Variants in POLN observed in about 807,000 individuals in gnomAD.
The protein encoded by POLN is DNA polymerase nu.
In POLN, 108 loss-of-function variants were observed where a neutral mutation model predicts 113.5. The ratio of observed to expected loss-of-function variants is 0.95; its 90% confidence interval spans 0.81 to 1.12. The LOEUF (loss-of-function observed/expected upper bound fraction) is 1.12, where lower values mean the gene tolerates loss of function less well. Among genes scored for constraint, POLN ranks in the 50% most tolerant of loss-of-function variants. The probability of loss-of-function intolerance (pLI) is 0.00; values close to 1 mark genes in which losing one functional copy is unlikely to be tolerated. For missense variants in POLN, 1,097 were observed against 1,077.1 expected, an observed-to-expected ratio of 1.02 and a Z score of -0.26; for synonymous variants, 386 against 391.5, an observed-to-expected ratio of 0.99 and a Z score of 0.17.
At chr4:2,192,453 C>T (rs999354496) in intron 7 of POLN, among the ~76,000 whole-genome samples, 17 of 151,966 alleles carry the variant, frequency 1.1e-4, no homozygotes, top group Admixed American at 2.6e-4. Context: ...AATTCTCCTG[C>T]CTCAGCCTCT....
intron 3 of POLN, among the ~76,000 whole-genome samples, chr4:2,219,913 C>T (rs981416032): frequency 3.3e-5 from 5 of 152,210 alleles, no homozygotes; most frequent in South Asian, 4.2e-4. Flanking sequence ...GAAGTGATCC[C>T]GCATAAATAA....
At chr4:2,236,216 G>T (rs1194619937) in intron 2 of POLN, 2 of 1,523,284 alleles carry the variant, frequency 1.3e-6, no homozygotes, top group East Asian at 2.3e-5. Context: ...AACTACTATG[G>T]CAAATACCCA....
intron 19 of POLN, among the ~76,000 whole-genome samples, chr4:2,102,026 C>T (rs1480091827): frequency 1.3e-5 from 2 of 152,104 alleles, no homozygotes; most frequent in Non-Finnish European, 2.9e-5. Flanking sequence ...ACAAGTTCCC[C>T]ACTCTCCAGC....
chr4:2,217,896 A>T (rs1000831782), intron 3 of POLN, among the ~76,000 whole-genome samples: 1 of 152,230 alleles, frequency 6.6e-6, no homozygotes, highest in African/African-American at 2.4e-5. Flanking sequence ...CTAAACCCAG[A>T]GATGCCTATC....
At chr4:2,123,828 A>G (rs1412328508) in intron 19 of POLN, among the ~76,000 whole-genome samples, 1 of 151,918 alleles carries the variant, frequency 6.6e-6, no homozygotes, top group Admixed American at 6.6e-5. Flanking sequence ...AACCGAAGCC[A>G]AAACCAAAAC....
chr4:2,088,938 C>T, intron 20 of POLN: 2 of 1,032,450 alleles, frequency 1.9e-6, no homozygotes, highest in Admixed American at 2.3e-5. Context: ...GAAGGTCTAG[C>T]AGCAACGGCC....
intron 5 of POLN, among the ~76,000 whole-genome samples, chr4:2,202,853 CAATT>C (rs1364604765): frequency 6.7e-6 from 1 of 148,882 alleles, no homozygotes; most frequent in Non-Finnish European, 1.5e-5. Flanking sequence ...ATTTCTAAAA[CAATT>C]AATAGACCTA....
At chr4:2,167,517 AG>A (rs2108745623) in intron 13 of POLN, among the ~76,000 whole-genome samples, 1 of 152,326 alleles carries the variant, frequency 6.6e-6, no homozygotes, top group South Asian at 2.1e-4. Flanking sequence ...TGTGTTCTTC[AG>A]CCCACGAGGA....
intron 13 of POLN, among the ~76,000 whole-genome samples, chr4:2,166,786 T>C (rs1732739539): frequency 6.6e-6 from 1 of 152,120 alleles, no homozygotes; most frequent in Admixed American, 6.5e-5. Flanking sequence ...AGTTACACCG[T>C]CAGCTTCCCT....
chr4:2,171,262 T>A, intron 11 of POLN, 81 bp from the exon 12 acceptor site: 1 of 1,363,866 alleles, frequency 7.3e-7, no homozygotes, highest in Non-Finnish European at 1.0e-6. Context: ...CAAACAATTC[T>A]CAACAGCGAG....
At chr4:2,103,975 C>T (rs558255569) in intron 19 of POLN, among the ~76,000 whole-genome samples, 3 of 152,242 alleles carry the variant, frequency 2.0e-5, no homozygotes, top group South Asian at 4.1e-4. Flanking sequence ...TCAAGGGAGT[C>T]CTAAACTTGG....
At chr4:2,233,851 G>C (rs1201869802) in intron 2 of POLN, among the ~76,000 whole-genome samples, 1 of 152,100 alleles carries the variant, frequency 6.6e-6, no homozygotes, top group Non-Finnish European at 1.5e-5. Context: ...ATGGTGTCTA[G>C]TAGACACTTA....
chr4:2,190,657 A>C (rs895218459), intron 7 of POLN, among the ~76,000 whole-genome samples: 1 of 152,196 alleles, frequency 6.6e-6, no homozygotes, highest in Non-Finnish European at 1.5e-5. Context: ...CCAGGATATA[A>C]AAGGAACTCA....
At chr4:2,233,098 T>C (rs1041821671) in intron 2 of POLN, among the ~76,000 whole-genome samples, 1 of 152,214 alleles carries the variant, frequency 6.6e-6, no homozygotes, top group Non-Finnish European at 1.5e-5. Flanking sequence ...CTGTCATAAA[T>C]GCCAATTCAC....
intron 3 of POLN, among the ~76,000 whole-genome samples, chr4:2,217,169 C>T (rs147288583): frequency 1.1e-3 from 168 of 152,288 alleles, no homozygotes; most frequent in African/African-American, 3.8e-3. Context: ...AGCCACTAAC[C>T]GCTGCCCAAG....
At chr4:2,080,108 G>A in intron 23 of POLN, 1 of 985,642 alleles carries the variant, frequency 1.0e-6, no homozygotes, top group Non-Finnish European at 1.2e-6. Flanking sequence ...GACTGACACT[G>A]TGGGGGGCTG....
intron 16 of POLN, among the ~76,000 whole-genome samples, chr4:2,143,912 A>C (rs1422096109): frequency 2.0e-5 from 3 of 152,136 alleles, no homozygotes; most frequent in Admixed American, 2.0e-4. Flanking sequence ...ACCTTATCTT[A>C]ATAACCCAAA....
intron 19 of POLN, among the ~76,000 whole-genome samples, chr4:2,120,458 T>C (rs1336461797): frequency 6.6e-6 from 1 of 152,144 alleles, no homozygotes; most frequent in Non-Finnish European, 1.5e-5. Context: ...TTATACATGT[T>C]TTGTTAACTG....
rs73796976 is a variant in POLN, at chr4:2,219,329, T to C, written c.134-6203A>G. ...CCCTTGTATAAGTTCCCAGAGTAAA[T>C]GGCCACAGGTTTCCCTGGCGGAAAG... On this transcript the variant is annotated intron_variant, in intron 3 of 25. Coordinates refer to ENST00000511885, the MANE Select transcript of POLN (RefSeq NM_181808.4). 2.1e-3 allele frequency among the ~76,000 whole-genome samples: 327 copies of C among 152,292 alleles called. 1 individual carries two copies. The highest frequency in any genetic ancestry group is 7.4e-3 in the African/African-American group (309 of 41,546).
Sources: allele counts gnomAD v4.1 joint callset (sites outside exome capture counted in the v4.1 genomes callset), GRCh38; gene constraint gnomAD v4.1.1; transcripts MANE v1.5; gene names NCBI Gene and HGNC (gene_info 2026-07-23, HGNC 2026-07-21).